Variants in GGTA1 observed in about 807,000 individuals in gnomAD.
The protein encoded by GGTA1 is glycoprotein alpha-galactosyltransferase 1 (inactive).
Under a neutral mutation model 2.6 loss-of-function variants are expected in GGTA1, and 5 were observed. That is an observed-to-expected ratio of 1.92 (90% CI 1.00 to 4.04). The LOEUF is 4.04. GGTA1 is among the 30% of genes most tolerant of loss of function. GGTA1 has a pLI of 0.00. For synonymous variants in GGTA1, 17 were observed against 5.0 expected (o/e 3.38, Z -3.19); for missense variants, 50 against 16.7 (o/e 2.99, Z -3.47).
intron 1 of GGTA1, among the ~76,000 whole-genome samples, chr9:121,484,964 G>A (rs1459686641): frequency 2.0e-5 from 3 of 152,178 alleles, no homozygotes; most frequent in Non-Finnish European, 2.9e-5. Flanking sequence ...CTACAGAAAA[G>A]CAAGGAACAG....
intron 1 of GGTA1, among the ~76,000 whole-genome samples, chr9:121,497,199 G>C (rs1375011415): frequency 2.0e-5 from 3 of 151,990 alleles, no homozygotes; most frequent in Non-Finnish European, 2.9e-5. Flanking sequence ...TCAAAAAAAA[G>C]AAAGAAAATA....
At chr9:121,450,668 T>C (rs144565239), downstream of GGTA1, among the ~76,000 whole-genome samples, 1 of 152,230 alleles carries the variant, frequency 6.6e-6, no homozygotes, top group African/African-American at 2.4e-5. Context: ...GCAACGTGGC[T>C]GGGTTATCCC....
chr9:121,463,931 C>T (rs1216004730), intron 2 of GGTA1, among the ~76,000 whole-genome samples: 1 of 152,120 alleles, frequency 6.6e-6, no homozygotes, highest in East Asian at 1.9e-4. Flanking sequence ...TAGAACAGCC[C>T]CCAAAAGCAT....
chr9:121,489,435 C>T (rs1828828889), intron 1 of GGTA1, among the ~76,000 whole-genome samples: 1 of 152,190 alleles, frequency 6.6e-6, no homozygotes. Context: ...CGTACACAAA[C>T]CATCCCCTCC....
chr9:121,483,534 G>A (rs866414472), intron 1 of GGTA1, among the ~76,000 whole-genome samples: 1 of 152,110 alleles, frequency 6.6e-6, no homozygotes, highest in African/African-American at 2.4e-5. Flanking sequence ...AATGAGCCTC[G>A]GGCTGGAGTC....
At chr9:121,489,482 C>T (rs955452534) in intron 1 of GGTA1, among the ~76,000 whole-genome samples, 10 of 152,182 alleles carry the variant, frequency 6.6e-5, no homozygotes, top group Non-Finnish European at 1.3e-4. Flanking sequence ...CCACTGTGGC[C>T]AGCCTCATTT....
At chr9:121,480,431 G>C (rs918032285) in intron 1 of GGTA1, among the ~76,000 whole-genome samples, 2 of 152,072 alleles carry the variant, frequency 1.3e-5, no homozygotes, top group Non-Finnish European at 2.9e-5. Flanking sequence ...GAATCCCCAC[G>C]ACCTGAAACA....
chr9:121,466,953 C>CAAAAA (rs397894554), intron 2 of GGTA1, among the ~76,000 whole-genome samples: 2 of 99,970 alleles, frequency 2.0e-5, no homozygotes, highest in Non-Finnish European at 4.1e-5. Context: ...GACTCTGTCT[C>CAAAAA]AAAAAAAAAA....
intron 1 of GGTA1, among the ~76,000 whole-genome samples, chr9:121,495,488 A>G (rs562445248): frequency 5.3e-5 from 8 of 152,302 alleles, no homozygotes; most frequent in Admixed American, 1.3e-4. Flanking sequence ...CGGAGGTTGC[A>G]GTGAGCTGAG....
At chr9:121,457,134 G>T (rs576972906) in intron 5 of GGTA1, among the ~76,000 whole-genome samples, 2 of 152,312 alleles carry the variant, frequency 1.3e-5, no homozygotes, top group South Asian at 4.1e-4. Context: ...GACAGAACAT[G>T]CTAATGCATT....
chr9:121,461,515 C>T (rs1410155204), intron 3 of GGTA1, among the ~76,000 whole-genome samples, 198 bp from the exon 4 acceptor site: 2 of 152,164 alleles, frequency 1.3e-5, no homozygotes, highest in Non-Finnish European at 1.5e-5. Flanking sequence ...TCTCTCCTCC[C>T]TTGGGTAGCC....
chr9:121,481,451 C>A (rs1029444911), intron 1 of GGTA1, among the ~76,000 whole-genome samples: 5 of 152,064 alleles, frequency 3.3e-5, no homozygotes, highest in African/African-American at 4.8e-5. Flanking sequence ...CTTTGGGAGG[C>A]TGAGGCAGGT....
intron 1 of GGTA1, among the ~76,000 whole-genome samples, chr9:121,468,904 C>T (rs1032531350): frequency 3.3e-5 from 5 of 152,132 alleles, no homozygotes; most frequent in African/African-American, 1.2e-4. Flanking sequence ...CCTTTTATCT[C>T]GTGACTGTGA....
chr9:121,452,285 G>A (rs2118748731), downstream of GGTA1: 1 of 152,716 alleles, frequency 6.5e-6, no homozygotes, highest in African/African-American at 2.4e-5. Context: ...GTGTTTCCTG[G>A]TGATAAAACG....
chr9:121,463,390 T>G, intron 2 of GGTA1, 62 bp from the exon 3 acceptor site: 1 of 445,104 alleles, frequency 2.2e-6, no homozygotes, highest in Non-Finnish European at 4.5e-6. Flanking sequence ...AAGGCGATTT[T>G]GTAACCATTA....
At chr9:121,482,911 A>C (rs1828683482) in intron 1 of GGTA1, among the ~76,000 whole-genome samples, 1 of 152,230 alleles carries the variant, frequency 6.6e-6, no homozygotes, top group Non-Finnish European at 1.5e-5. Context: ...AGATCGCTCC[A>C]CTGCACTCCA....
chr9:121,449,845 A>AG (rs1307428062), intron 7 of GGTA1, among the ~76,000 whole-genome samples: 2 of 151,196 alleles, frequency 1.3e-5, no homozygotes, highest in African/African-American at 4.9e-5. Context: ...ATCTCAAAAA[A>AG]AAAAAAAAAA....
rs145973322 is a variant in GGTA1, at chr9:121,449,789, G to C, written c.*119-2192C>G. 9.0e-4 allele frequency among the ~76,000 whole-genome samples: 120 copies of C among 133,434 alleles called. 1 individual carries two copies. In the East Asian group the frequency reaches 0.025, roughly 28 times the overall value. The allele number at this position is 133,434 out of a possible 152,430, so 87.5% of individuals were successfully genotyped here. ...TGGGAGGCAGAAGTTGCAGTGAGCT[G>C]AGATGGTGCCACTGCACTCCAGCCT... On this transcript the variant is annotated intron_variant and NMD_transcript_variant, in intron 7 of 7. Transcript: ENST00000481534.
intron 7 of GGTA1, among the ~76,000 whole-genome samples, chr9:121,448,447 AC>A (rs1286029083): frequency 2.0e-5 from 3 of 152,178 alleles, no homozygotes; most frequent in African/African-American, 7.2e-5. Context: ...CACTTAAAAC[AC>A]CAATCCATTG....
Sources: allele counts gnomAD v4.1 joint callset (sites outside exome capture counted in the v4.1 genomes callset), GRCh38; gene constraint gnomAD v4.1.1; transcripts MANE v1.5; gene names NCBI Gene and HGNC (gene_info 2026-07-23, HGNC 2026-07-21).